USP37: variants seen among roughly 807,000 people sequenced by gnomAD.
USP37 encodes the protein ubiquitin carboxyl-terminal hydrolase 37.
Under a neutral mutation model 124.0 loss-of-function variants are expected in USP37, and 27 were observed. The ratio of observed to expected loss-of-function variants is 0.22; its 90% confidence interval spans 0.16 to 0.30. The LOEUF is 0.30. Ranked by LOEUF, USP37 falls within the 10% of genes least tolerant of loss-of-function variation. USP37 has a pLI of 1.00. For synonymous variants in USP37, 365 were observed against 388.0 expected (o/e 0.94, Z 0.70); for missense variants, 889 against 1,140.4 (o/e 0.78, Z 3.17).
chr2:218,521,614 G>C (rs1439023242), intron 10 of USP37, among the ~76,000 whole-genome samples: 1 of 152,134 alleles, frequency 6.6e-6, no homozygotes, highest in African/African-American at 2.4e-5. Flanking sequence ...TCCTGTATCA[G>C]TTTGCTGAGA....
chr2:218,478,211 G>C (rs1313899621), intron 18 of USP37, among the ~76,000 whole-genome samples: 1 of 152,106 alleles, frequency 6.6e-6, no homozygotes, highest in Non-Finnish European at 1.5e-5. Flanking sequence ...CCCAAACATA[G>C]TGTGTGGCTC....
intron 18 of USP37, among the ~76,000 whole-genome samples, chr2:218,477,713 A>T (rs1177023646): frequency 6.6e-6 from 1 of 152,278 alleles, no homozygotes; most frequent in Non-Finnish European, 1.5e-5. Flanking sequence ...GCAATAATTG[A>T]TACTTAAAAT....
intron 10 of USP37, among the ~76,000 whole-genome samples, chr2:218,516,328 G>C (rs943853302): frequency 6.6e-6 from 1 of 152,094 alleles, no homozygotes; most frequent in Non-Finnish European, 1.5e-5. Context: ...AAGAAAATGT[G>C]GCACATATAC....
chr2:218,546,183 A>G, intron 8 of USP37, 38 bp downstream of exon 8: 1 of 1,506,762 alleles, frequency 6.6e-7, no homozygotes, highest in Non-Finnish European at 9.1e-7. Flanking sequence ...TATAAGAAAC[A>G]CTGCTCTAAC....
chr2:218,493,982 G>A (rs1164721628), intron 14 of USP37, among the ~76,000 whole-genome samples: 1 of 152,178 alleles, frequency 6.6e-6, no homozygotes, highest in East Asian at 1.9e-4. Context: ...AATTTTGTCT[G>A]GAAGGTGCAT....
At chr2:218,474,128 T>C (rs1244465814) in intron 20 of USP37, among the ~76,000 whole-genome samples, 1 of 152,200 alleles carries the variant, frequency 6.6e-6, no homozygotes, top group Non-Finnish European at 1.5e-5. Context: ...AAGAATTATA[T>C]GAATTTCTGA....
intron 4 of USP37, 103 bp from the exon 5 acceptor site, chr2:218,553,827 T>C: frequency 8.6e-7 from 1 of 1,167,120 alleles, no homozygotes; most frequent in Non-Finnish European, 1.1e-6. Flanking sequence ...GTTACATTTA[T>C]CACTCTTCCC....
At chr2:218,558,244 C>T (rs529847790) in intron 4 of USP37, among the ~76,000 whole-genome samples, 93 of 152,214 alleles carry the variant, frequency 6.1e-4, no homozygotes, top group Non-Finnish European at 1.2e-3. Flanking sequence ...ATACAGTATC[C>T]GAACTCTTGT....
chr2:218,517,069 T>C (rs1418169725), intron 10 of USP37, among the ~76,000 whole-genome samples: 2 of 152,222 alleles, frequency 1.3e-5, no homozygotes, highest in African/African-American at 4.8e-5. Flanking sequence ...CCTACACCCC[T>C]GTGAGAAACA....
chr2:218,466,458 G>A (rs1483961223), intron 20 of USP37, among the ~76,000 whole-genome samples: 4 of 152,018 alleles, frequency 2.6e-5, no homozygotes, highest in Non-Finnish European at 5.9e-5. Flanking sequence ...CTAGATATTA[G>A]TAGCATCCAC....
intron 10 of USP37, among the ~76,000 whole-genome samples, chr2:218,518,147 G>T (rs1475178970): frequency 6.6e-6 from 1 of 151,988 alleles, no homozygotes; most frequent in African/African-American, 2.4e-5. Flanking sequence ...GTAGAGACGA[G>T]ATTTCCCAAT....
intron 8 of USP37, among the ~76,000 whole-genome samples, chr2:218,545,156 T>C (rs890984151): frequency 7.2e-5 from 11 of 152,226 alleles, no homozygotes; most frequent in Admixed American, 2.6e-4. Context: ...ATTAGTTGTA[T>C]TAGTTGTCCC....
At chr2:218,504,259 T>C (rs1689556923) in intron 11 of USP37, among the ~76,000 whole-genome samples, 1 of 152,194 alleles carries the variant, frequency 6.6e-6, no homozygotes. Flanking sequence ...TTGTTTCCAT[T>C]AAATAATCTC....
At chr2:218,499,581 G>A (rs1018343453) in intron 11 of USP37, among the ~76,000 whole-genome samples, 6 of 152,072 alleles carry the variant, frequency 3.9e-5, no homozygotes, top group East Asian at 1.9e-4. Flanking sequence ...TCTAATATAC[G>A]TTTCTTAATT....
intron 19 of USP37, 101 bp downstream of exon 19, chr2:218,476,739 C>A: frequency 7.6e-7 from 1 of 1,312,134 alleles, no homozygotes; most frequent in South Asian, 2.1e-5. Context: ...AAGGCATTTT[C>A]TTTAAAACTA....
intron 20 of USP37, among the ~76,000 whole-genome samples, chr2:218,472,084 T>C (rs968479203): frequency 2.0e-5 from 3 of 151,822 alleles, no homozygotes; most frequent in Non-Finnish European, 4.4e-5. Context: ...AGATATCCTC[T>C]TTCTTTTGGT....
chr2:218,521,639 C>A (rs868149554), intron 10 of USP37, among the ~76,000 whole-genome samples: 1 of 152,164 alleles, frequency 6.6e-6, no homozygotes, highest in African/African-American at 2.4e-5. Context: ...TGGCTTCTAG[C>A]TTCATCCATG....
intron 16 of USP37, among the ~76,000 whole-genome samples, chr2:218,484,166 C>G (rs966989384): frequency 6.6e-6 from 1 of 151,876 alleles, no homozygotes; most frequent in Admixed American, 6.6e-5. Context: ...TTGAAAAAAA[C>G]AAAAAACACA....
At chr2:218,562,992 C>T (rs572441458) in intron 1 of USP37, among the ~76,000 whole-genome samples, 179 bp from the exon 2 acceptor site, 12 of 151,800 alleles carry the variant, frequency 7.9e-5, no homozygotes, top group Non-Finnish European at 1.5e-4. Context: ...GGAGAAACCC[C>T]GTCTCTACTA....
Sources: gnomAD v4.1 joint callset for allele counts (sites outside exome capture counted in the v4.1 genomes callset) on GRCh38, gnomAD v4.1.1 for gene constraint, MANE v1.5 for transcripts, NCBI Gene and HGNC (gene_info 2026-07-23, HGNC 2026-07-21) for gene names.